PXDNL: variants seen among roughly 807,000 people sequenced by gnomAD.
PXDNL encodes the protein peroxidasin like.
A neutral mutation model predicts 150.8 loss-of-function variants in PXDNL; 145 were observed. The observed-to-expected ratio is 0.96, with a 90% CI of 0.84 to 1.10. PXDNL has a LOEUF of 1.10. Among genes scored for constraint, PXDNL ranks in the 50% least tolerant of loss-of-function variants. The pLI is 0.00. For missense variants in PXDNL, 2,087 were observed against 1,873.9 expected (o/e 1.11, Z -2.10); for synonymous variants, 757 against 725.7 (o/e 1.04, Z -0.69).
intron 1 of PXDNL, among the ~76,000 whole-genome samples, chr8:51,770,015 T>A (rs1198438992): frequency 2.0e-5 from 3 of 152,146 alleles, no homozygotes; most frequent in African/African-American, 7.2e-5. Context: ...TGAACATGCA[T>A]CCCATGAAGA....
intron 17 of PXDNL, among the ~76,000 whole-genome samples, chr8:51,401,495 C>T (rs973227377): frequency 3.9e-5 from 6 of 152,258 alleles, no homozygotes; most frequent in East Asian, 1.9e-4. Flanking sequence ...CCTTCTGTGA[C>T]GTAAAGAACA....
At chr8:51,365,671 A>C (rs900562041) in intron 19 of PXDNL, among the ~76,000 whole-genome samples, 1 of 152,228 alleles carries the variant, frequency 6.6e-6, no homozygotes, top group Non-Finnish European at 1.5e-5. Context: ...TCAAAGAAAC[A>C]TGTGATCATG....
At chr8:51,505,046 T>A (rs75058786) in intron 4 of PXDNL, among the ~76,000 whole-genome samples, 10,383 of 152,286 alleles carry the variant, frequency 0.068, 428 homozygotes, top group South Asian at 0.095. Flanking sequence ...TGAGCACTAA[T>A]GAACCTAGAG....
intron 1 of PXDNL, among the ~76,000 whole-genome samples, chr8:51,785,135 C>T (rs1466453841): frequency 2.0e-5 from 3 of 152,220 alleles, no homozygotes; most frequent in African/African-American, 7.2e-5. Flanking sequence ...TTCTAGGATG[C>T]ACTTGATCGT....
At chr8:51,683,230 G>GT (rs1467937559) in intron 1 of PXDNL, among the ~76,000 whole-genome samples, 1 of 122,574 alleles carries the variant, frequency 8.2e-6, no homozygotes, top group Non-Finnish European at 1.7e-5. Context: ...CAAAGCCACA[G>GT]TGAGGTATCA....
At chr8:51,397,712 A>G (rs1808126333) in intron 17 of PXDNL, among the ~76,000 whole-genome samples, 1 of 152,178 alleles carries the variant, frequency 6.6e-6, no homozygotes, top group East Asian at 1.9e-4. Context: ...AGGAGGACAT[A>G]AAGAGAGCTG....
chr8:51,619,821 G>A (rs1814205801), intron 2 of PXDNL, among the ~76,000 whole-genome samples: 1 of 152,044 alleles, frequency 6.6e-6, no homozygotes, highest in Admixed American at 6.6e-5. Flanking sequence ...CTAATACACT[G>A]GGTTTTCTCA....
At chr8:51,449,142 A>G (rs1258613075) in intron 10 of PXDNL, 24 bp from the exon 11 acceptor site, 1 of 1,295,002 alleles carries the variant, frequency 7.7e-7, no homozygotes, top group Non-Finnish European at 1.1e-6. Context: ...AACATACATC[A>G]AAATTGAAAA....
At chr8:51,594,803 G>C (rs1813526228) in intron 2 of PXDNL, among the ~76,000 whole-genome samples, 1 of 152,014 alleles carries the variant, frequency 6.6e-6, no homozygotes, top group Non-Finnish European at 1.5e-5. Context: ...TTTTGGTTAA[G>C]TGGTTATAGA....
intron 1 of PXDNL, among the ~76,000 whole-genome samples, chr8:51,750,136 A>G (rs2037029389): frequency 6.6e-6 from 1 of 152,164 alleles, no homozygotes; most frequent in Non-Finnish European, 1.5e-5. Flanking sequence ...ACACAAATAC[A>G]TTGTACAGCT....
chr8:51,741,208 G>A (rs184672585), intron 1 of PXDNL, among the ~76,000 whole-genome samples: 26 of 152,206 alleles, frequency 1.7e-4, no homozygotes, highest in Non-Finnish European at 3.8e-4. Context: ...TTTAGTCTTG[G>A]GATGGTGTAT....
At chr8:51,350,697 A>T (rs1177478863) in intron 19 of PXDNL, among the ~76,000 whole-genome samples, 1 of 152,120 alleles carries the variant, frequency 6.6e-6, no homozygotes, top group East Asian at 1.9e-4. Context: ...ACACCCGCAC[A>T]CGTGGTGACA....
chr8:51,320,979 T>A, intron 21 of PXDNL, 82 bp from the exon 22 acceptor site: 8 of 1,008,086 alleles, frequency 7.9e-6, no homozygotes, highest in Non-Finnish European at 1.1e-5. Flanking sequence ...TTTGATGAAA[T>A]GCTCTATTCT....
chr8:51,633,008 G>C (rs563582682), intron 2 of PXDNL, among the ~76,000 whole-genome samples: 16 of 152,014 alleles, frequency 1.1e-4, no homozygotes, highest in African/African-American at 3.9e-4. Flanking sequence ...GATAGTGATC[G>C]CATTACACAA....
At chr8:51,554,431 A>G (rs1184108526) in intron 4 of PXDNL, among the ~76,000 whole-genome samples, 1 of 152,166 alleles carries the variant, frequency 6.6e-6, no homozygotes, top group African/African-American at 2.4e-5. Flanking sequence ...CAAAGGATCA[A>G]TTGGCTGCAC....
intron 1 of PXDNL, among the ~76,000 whole-genome samples, chr8:51,792,608 A>G (rs2037523678): frequency 6.6e-6 from 1 of 152,188 alleles, no homozygotes; most frequent in Admixed American, 6.5e-5. Flanking sequence ...GGTGGCAGCC[A>G]TCACCGCAGC....
At chr8:51,455,797 C>A (rs1809927103) in intron 9 of PXDNL, among the ~76,000 whole-genome samples, 1 of 152,042 alleles carries the variant, frequency 6.6e-6, no homozygotes, top group African/African-American at 2.4e-5. Context: ...GAGGCCTAGG[C>A]AGGAGGATCA....
In PXDNL at chr8:51,383,693, CTA is replaced by C. The variant is rs147481218; in HGVS notation, c.3558-8964_3558-8963del. 1.8e-3 allele frequency among the ~76,000 whole-genome samples: 267 copies of C among 152,186 alleles called. 3 individuals carry two copies. The highest frequency in any genetic ancestry group is 6.2e-3 in the African/African-American group (256 of 41,510). On this transcript the variant is annotated intron_variant, in intron 17 of 22. Transcript: ENST00000356297. The stretch of plus-strand genomic sequence containing the variant: ...GGAATAATAAGAGTAAACAGTCTAG[CTA>C]TATTTTAAAAAAAGTGGTGCTTTTG...
chr8:51,577,356 A>G (rs1172500991), intron 3 of PXDNL, among the ~76,000 whole-genome samples: 1 of 151,490 alleles, frequency 6.6e-6, no homozygotes, highest in African/African-American at 2.4e-5. Context: ...AAATTAATGA[A>G]TAAAATCCAC....
Sources: allele counts gnomAD v4.1 joint callset (sites outside exome capture counted in the v4.1 genomes callset), GRCh38; gene constraint gnomAD v4.1.1; transcripts MANE v1.5; gene names NCBI Gene and HGNC (gene_info 2026-07-23, HGNC 2026-07-21).